Variants in CATSPERE observed in about 807,000 individuals in gnomAD.
CATSPERE encodes catsper channel auxiliary subunit epsilon, also known as cation channel sperm-associated auxiliary subunit epsilon.
A neutral mutation model predicts 114.1 loss-of-function variants in CATSPERE; 93 were observed. The observed-to-expected ratio is 0.81, with a 90% CI of 0.69 to 0.97. The LOEUF is 0.97. CATSPERE is among the 50% of genes least tolerant of loss of function. The pLI, the probability that CATSPERE is intolerant of heterozygous loss-of-function variation, is 0.00. For missense variants in CATSPERE, 1,058 were observed against 1,131.6 expected (o/e 0.93, Z 0.93); for synonymous variants, 341 against 384.1 (o/e 0.89, Z 1.31).
chr1:244,457,998 G>A (rs1220957323), upstream of CATSPERE, among the ~76,000 whole-genome samples: 1 of 152,144 alleles, frequency 6.6e-6, no homozygotes, highest in Admixed American at 6.5e-5. Context: ...TGCCACAGAG[G>A]TAAATGTCTT....
chr1:244,584,147 TAAAA>T (rs959287407), intron 13 of CATSPERE, among the ~76,000 whole-genome samples: 20 of 152,222 alleles, frequency 1.3e-4, no homozygotes, highest in African/African-American at 4.8e-4. Context: ...CATAATTTAA[TAAAA>T]AAACAAAGAA....
intron 10 of CATSPERE, among the ~76,000 whole-genome samples, chr1:244,566,021 G>T (rs1448416488): frequency 1.3e-5 from 2 of 152,150 alleles, no homozygotes; most frequent in African/African-American, 4.8e-5. Context: ...CTGGTACGTT[G>T]TGTCTTTGTT....
At chr1:244,466,920 A>G (rs1208651552) in intron 2 of CATSPERE, among the ~76,000 whole-genome samples, 1 of 152,166 alleles carries the variant, frequency 6.6e-6, no homozygotes, top group Admixed American at 6.5e-5. Flanking sequence ...AGGAAGAAGA[A>G]TGGCTTCCTC....
At chr1:244,557,974 A>G (rs1661919356) in intron 9 of CATSPERE, among the ~76,000 whole-genome samples, 1 of 151,796 alleles carries the variant, frequency 6.6e-6, no homozygotes, top group Non-Finnish European at 1.5e-5. Context: ...TTTTTCAGAC[A>G]GGGTCTCACT....
intron 13 of CATSPERE, among the ~76,000 whole-genome samples, chr1:244,584,231 C>T (rs764170768): frequency 2.0e-5 from 3 of 152,002 alleles, no homozygotes; most frequent in Non-Finnish European, 4.4e-5. Flanking sequence ...TCTGTGTGCT[C>T]GGTAATGGGA....
At chr1:244,491,849 A>C (rs1672228671) in intron 6 of CATSPERE, among the ~76,000 whole-genome samples, 1 of 152,194 alleles carries the variant, frequency 6.6e-6, no homozygotes, top group Non-Finnish European at 1.5e-5. Flanking sequence ...TCCAGAAGAA[A>C]TGGATAAATT....
rs1415921578 is a variant in CATSPERE, at chr1:244,512,824, C to A, written c.430-5768C>A. Among the ~76,000 whole-genome samples the A allele has an allele frequency of 9.2e-5, 14 of 152,278 alleles. No homozygotes were observed. In the South Asian group the frequency reaches 2.7e-3, roughly 29 times the overall value. On this transcript the variant is annotated intron_variant, in intron 7 of 21. Transcript: ENST00000366534. ...GATGGGCACAGTAGTGTAGTCCCTGCATGATTTCTTCAGCTATATAATCAG... is the reference window on the plus strand; with the variant it reads ...GATGGGCACAGTAGTGTAGTCCCTGAATGATTTCTTCAGCTATATAATCAG...
chr1:244,623,543 C>T (rs1311274229), intron 20 of CATSPERE, among the ~76,000 whole-genome samples: 1 of 152,112 alleles, frequency 6.6e-6, no homozygotes, highest in Non-Finnish European at 1.5e-5. Context: ...AAATCACTGT[C>T]CCCTCCATGA....
chr1:244,459,857 G>A (rs772929520), upstream of CATSPERE, among the ~76,000 whole-genome samples: 19 of 152,290 alleles, frequency 1.2e-4, no homozygotes, highest in Non-Finnish European at 1.9e-4. Context: ...ACTCAACCAG[G>A]CCTGCATGAG....
chr1:244,597,534 CT>C (rs34454607), intron 17 of CATSPERE, among the ~76,000 whole-genome samples: 15 of 128,188 alleles, frequency 1.2e-4, no homozygotes, highest in South Asian at 5.1e-4. Context: ...TCCCTGATTT[CT>C]TTTTTTTTTT....
At chr1:244,501,708 G>A (rs766587023) in intron 7 of CATSPERE, among the ~76,000 whole-genome samples, 22 of 152,112 alleles carry the variant, frequency 1.4e-4, no homozygotes, top group Non-Finnish European at 2.9e-4. Context: ...ATGTTATTTA[G>A]TGCATTCATA....
In CATSPERE at chr1:244,591,671, T is replaced by C. The variant is rs557179387; in HGVS notation, c.2139-10T>C. 1.4e-6 allele frequency: 2 copies of C among 1,456,894 alleles called. No homozygotes were observed. The highest frequency in any genetic ancestry group is 1.9e-6 in the Non-Finnish European group (2 of 1,050,962). 90.2% of individuals were successfully genotyped at this position (1,456,894 alleles called of 1,614,324 possible). On this transcript the variant is annotated splice_polypyrimidine_tract_variant and intron_variant, in intron 14 of 21. Coordinates refer to ENST00000366534, the MANE Select transcript of CATSPERE (RefSeq NM_001130957.2). ...GATATTTCAACTTCATTATGTTTTGTCTTTTGTAGATTTAGTAAAAAAGGA... is the reference window on the plus strand; with the variant it reads ...GATATTTCAACTTCATTATGTTTTGCCTTTTGTAGATTTAGTAAAAAAGGA...
At position 244,477,768 on chromosome 1, in the gene CATSPERE, G is replaced by A; in HGVS notation, c.189-138G>A. 3.2e-6 allele frequency: 3 copies of A among 926,764 alleles called. No individual in the cohort carries two copies. In the South Asian group the frequency reaches 5.0e-5, roughly 15 times the overall value. 57.4% of individuals were successfully genotyped at this position (926,764 alleles called of 1,614,324 possible). On this transcript the variant is annotated intron_variant, in intron 3 of 21. Transcript: ENST00000366534. The stretch of plus-strand genomic sequence containing the variant: ...ACAAAATCAGGTCGAATATAGTATA[G>A]AAGTAAAATATTGCAAATATTTAAA...
rs182843963 is a variant in CATSPERE at position 244,625,000 on chromosome 1, G to A, written c.2648+7314G>A. 2.0e-5 allele frequency among the ~76,000 whole-genome samples: 3 copies of A among 152,192 alleles called. No homozygotes were observed. The East Asian group carries it at 5.8e-4, about 29-fold the overall frequency. On this transcript the variant is annotated intron_variant, in intron 20 of 21. Transcript: ENST00000366534. ...TCTTGAATCCCTCAAAGCCATTCAT[G>A]AGGGTTAGAATCAACTTCTTCCAAA... is the stretch of plus-strand genomic sequence containing the variant.
chr1:244,519,992 A>C (rs1453814108), intron 8 of CATSPERE, among the ~76,000 whole-genome samples: 1 of 151,808 alleles, frequency 6.6e-6, no homozygotes, highest in Non-Finnish European at 1.5e-5. Context: ...CTTACTTGTA[A>C]GCCACCATGA....
intron 8 of CATSPERE, among the ~76,000 whole-genome samples, chr1:244,533,398 TTA>T (rs1417517290): frequency 6.6e-6 from 1 of 152,118 alleles, no homozygotes; most frequent in African/African-American, 2.4e-5. Context: ...TGTGATTTTG[TTA>T]TTTGTTTTAT....
intron 7 of CATSPERE, among the ~76,000 whole-genome samples, chr1:244,502,064 T>C (rs1027516042): frequency 9.9e-5 from 15 of 152,180 alleles, no homozygotes; most frequent in African/African-American, 3.6e-4. Context: ...CTTCAAGATA[T>C]CTGCCATAAC....
chr1:244,474,857 C>T (rs1266109966), intron 2 of CATSPERE, among the ~76,000 whole-genome samples: 5 of 151,596 alleles, frequency 3.3e-5, no homozygotes, highest in Non-Finnish European at 7.4e-5. Flanking sequence ...GATCCTCCCA[C>T]CTCAGCCTCC....
At chr1:244,465,398 A>G (rs1192790944) in intron 2 of CATSPERE, among the ~76,000 whole-genome samples, 1 of 152,182 alleles carries the variant, frequency 6.6e-6, no homozygotes, top group East Asian at 1.9e-4. Flanking sequence ...ATTTTAGTTT[A>G]TATTTCTTAT....
Sources: gnomAD v4.1 joint callset for allele counts (sites outside exome capture counted in the v4.1 genomes callset) on GRCh38, gnomAD v4.1.1 for gene constraint, MANE v1.5 for transcripts, NCBI Gene and HGNC (gene_info 2026-07-23, HGNC 2026-07-21) for gene names.